The following CYP39A1 variants were observed in gnomAD, a reference collection of about 807,000 sequenced individuals.
The protein encoded by CYP39A1 is cytochrome P450 family 39 subfamily A member 1.
In CYP39A1, 49 loss-of-function variants were observed where a neutral mutation model predicts 58.1. That is an observed-to-expected ratio of 0.84 (90% CI 0.67 to 1.07). The LOEUF is 1.07. Among genes scored for constraint, CYP39A1 ranks in the 50% least tolerant of loss-of-function variants. The pLI is 0.00. For missense variants in CYP39A1, 531 were observed against 539.4 expected, an observed-to-expected ratio of 0.98 and a Z score of 0.16; for synonymous variants, 209 against 187.6, an observed-to-expected ratio of 1.11 and a Z score of -0.93.
chr6:46,569,315 T>C (rs1046724190), intron 10 of CYP39A1, among the ~76,000 whole-genome samples: 2 of 152,112 alleles, frequency 1.3e-5, no homozygotes, highest in African/African-American at 2.4e-5. Context: ...ATATCATCTG[T>C]GAAGAGTCAT....
chr6:46,629,816 T>C (rs74905178), intron 6 of CYP39A1, among the ~76,000 whole-genome samples: 1 of 152,190 alleles, frequency 6.6e-6, no homozygotes, highest in Non-Finnish European at 1.5e-5. Context: ...TAATTTCAGA[T>C]AATATAAGTA....
chr6:46,638,554 C>T (rs1776137192), intron 3 of CYP39A1, among the ~76,000 whole-genome samples: 1 of 152,118 alleles, frequency 6.6e-6, no homozygotes, highest in African/African-American at 2.4e-5. Context: ...ACACTTAATA[C>T]TGTTTATTTA....
intron 6 of CYP39A1, among the ~76,000 whole-genome samples, chr6:46,630,511 A>G (rs1213726844): frequency 6.6e-6 from 1 of 152,146 alleles, no homozygotes; most frequent in African/African-American, 2.4e-5. Context: ...TACCACCATG[A>G]CAGTCTACAA....
chr6:46,645,266 TTA>T, intron 1 of CYP39A1, among the ~76,000 whole-genome samples: 1 of 152,314 alleles, frequency 6.6e-6, no homozygotes, highest in Admixed American at 6.5e-5. Flanking sequence ...TTTTATATCT[TTA>T]TGTTTTACAT....
chr6:46,554,186 A>G (rs778545070), intron 10 of CYP39A1, among the ~76,000 whole-genome samples: 27 of 152,240 alleles, frequency 1.8e-4, no homozygotes, highest in Admixed American at 9.2e-4. Context: ...CAATTTAAAT[A>G]CATTTAATAA....
At chr6:46,553,689 A>G (rs1476196819) in intron 11 of CYP39A1, 78 bp downstream of exon 11, 9 of 935,614 alleles carry the variant, frequency 9.6e-6, no homozygotes, top group Non-Finnish European at 1.4e-5. Flanking sequence ...ATCTCTAGTA[A>G]TCAAAATTGG....
intron 10 of CYP39A1, among the ~76,000 whole-genome samples, chr6:46,576,507 C>G (rs1261813304): frequency 6.6e-6 from 1 of 152,166 alleles, no homozygotes; most frequent in African/African-American, 2.4e-5. Flanking sequence ...CCTGAAATAT[C>G]TGAAATGACA....
intron 1 of CYP39A1, among the ~76,000 whole-genome samples, chr6:46,648,147 C>A (rs1157488828): frequency 1.3e-5 from 2 of 152,076 alleles, no homozygotes; most frequent in African/African-American, 4.8e-5. Context: ...TTTGACCCAG[C>A]CATCCCATTA....
In CYP39A1 at chr6:46,633,625, G is replaced by A. The variant is rs140555982; in HGVS notation, c.733-2555C>T. On this transcript the variant is annotated intron_variant, in intron 5 of 11. Transcript: ENST00000275016. ...TGTAATCCCAGCAGTTCGGGAGGCC[G>A]AGGCAGGTGGGTCACGAGGTCAGAA... Among the ~76,000 whole-genome samples the A allele has an allele frequency of 7.4e-3, 1,129 of 152,242 alleles. 11 individuals are homozygous for A. The highest frequency in any genetic ancestry group is 0.031 in the Admixed American group (476 of 15,296).
chr6:46,550,895 A>T (rs745590729), intron 11 of CYP39A1, among the ~76,000 whole-genome samples: 8 of 151,866 alleles, frequency 5.3e-5, no homozygotes, highest in Non-Finnish European at 1.2e-4. Context: ...ATAAAGATAT[A>T]TTTTTTTTGA....
chr6:46,581,681 G>A (rs1772140784), intron 10 of CYP39A1, among the ~76,000 whole-genome samples: 1 of 152,046 alleles, frequency 6.6e-6, no homozygotes, highest in African/African-American at 2.4e-5. Flanking sequence ...GAGGCACTGT[G>A]CTTACTACCT....
intron 10 of CYP39A1, among the ~76,000 whole-genome samples, chr6:46,585,535 G>A (rs1242237630): frequency 6.6e-6 from 1 of 152,070 alleles, no homozygotes; most frequent in African/African-American, 2.4e-5. Context: ...GAGGCAGGAT[G>A]AGCATGATGG....
intron 7 of CYP39A1, among the ~76,000 whole-genome samples, chr6:46,618,621 T>C (rs1192511156): frequency 6.6e-6 from 1 of 152,134 alleles, no homozygotes; most frequent in Non-Finnish European, 1.5e-5. Flanking sequence ...TCATACGGAT[T>C]ACTGGGCTTG....
intron 1 of CYP39A1, among the ~76,000 whole-genome samples, chr6:46,645,311 T>C (rs1762252405): frequency 6.6e-6 from 1 of 152,194 alleles, no homozygotes; most frequent in African/African-American, 2.4e-5. Context: ...GTTAATTTTA[T>C]ATCAGATATA....
At chr6:46,632,184 C>T (rs1460215403) in intron 5 of CYP39A1, among the ~76,000 whole-genome samples, 1 of 151,616 alleles carries the variant, frequency 6.6e-6, no homozygotes, top group East Asian at 1.9e-4. Flanking sequence ...AAACTATGTG[C>T]GTATTCAGAG....
chr6:46,621,686 G>T (rs1179210267), intron 7 of CYP39A1, among the ~76,000 whole-genome samples: 2 of 152,002 alleles, frequency 1.3e-5, no homozygotes, highest in Non-Finnish European at 2.9e-5. Context: ...TTCTCAAAAA[G>T]AAAATCTTAG....
chr6:46,590,517 A>C (rs990912379), intron 8 of CYP39A1, among the ~76,000 whole-genome samples: 11 of 152,170 alleles, frequency 7.2e-5, no homozygotes, highest in African/African-American at 2.4e-4. Context: ...GCTTTCAACC[A>C]GAGGCTTGGT....
intron 7 of CYP39A1, among the ~76,000 whole-genome samples, chr6:46,618,444 A>T (rs887628763): frequency 6.6e-6 from 1 of 152,192 alleles, no homozygotes. Flanking sequence ...AATTTCTAGG[A>T]ATTATACCCC....
intron 10 of CYP39A1, among the ~76,000 whole-genome samples, chr6:46,580,795 T>A (rs969743945): frequency 6.6e-6 from 1 of 152,026 alleles, no homozygotes; most frequent in African/African-American, 2.4e-5. Flanking sequence ...AAAACCACAA[T>A]GAGATAACGT....
Sources: allele counts gnomAD v4.1 joint callset (sites outside exome capture counted in the v4.1 genomes callset), GRCh38; gene constraint gnomAD v4.1.1; transcripts MANE v1.5; gene names NCBI Gene and HGNC (gene_info 2026-07-23, HGNC 2026-07-21).